The following GLB1L3 variants were observed in gnomAD, a reference collection of about 807,000 sequenced individuals.
GLB1L3 encodes the protein beta-galactosidase-1-like protein 3.
A neutral mutation model predicts 89.5 loss-of-function variants in GLB1L3; 89 were observed. The observed-to-expected ratio is 0.99, with a 90% confidence interval of 0.84 to 1.19. GLB1L3 has a LOEUF of 1.19. Ranked by LOEUF, GLB1L3 falls within the 50% of genes most tolerant of loss-of-function variation. The pLI, the probability that GLB1L3 is intolerant of heterozygous loss-of-function variation, is 0.00. For missense variants in GLB1L3, 812 were observed against 813.3 expected (o/e 1.00, Z 0.02); for synonymous variants, 314 against 312.3 (o/e 1.01, Z -0.06).
chr11:134,278,108 G>A (rs1018464526), intron 3 of GLB1L3, among the ~76,000 whole-genome samples, 196 bp downstream of exon 3: 2 of 152,100 alleles, frequency 1.3e-5, no homozygotes, highest in Non-Finnish European at 2.9e-5. Context: ...TCAAAGACTT[G>A]GATAGGGGTT....
intron 10 of GLB1L3, among the ~76,000 whole-genome samples, chr11:134,307,918 T>C (rs897069096): frequency 6.6e-6 from 1 of 152,124 alleles, no homozygotes; most frequent in Non-Finnish European, 1.5e-5. Context: ...AGAAGATATT[T>C]CGAAAGAGCT....
intron 9 of GLB1L3, chr11:134,305,352 T>A: frequency 2.1e-6 from 1 of 484,152 alleles, no homozygotes; most frequent in East Asian, 3.2e-5. Context: ...GTGCTGTTAG[T>A]CTTTCCTAAA....
chr11:134,314,171 GC>G (rs1302033290), intron 17 of GLB1L3, 143 bp downstream of exon 17: 1 of 737,748 alleles, frequency 1.4e-6, no homozygotes, highest in South Asian at 1.7e-5. Flanking sequence ...CAGAACTAGG[GC>G]CCTGGAACAA....
intron 6 of GLB1L3, among the ~76,000 whole-genome samples, chr11:134,284,067 C>T (rs1170538479): frequency 6.6e-6 from 1 of 152,182 alleles, no homozygotes; most frequent in Non-Finnish European, 1.5e-5. Flanking sequence ...AGACTCATCA[C>T]ACAAGGCAGG....
At chr11:134,299,858 C>T (rs1215632313) in intron 9 of GLB1L3, among the ~76,000 whole-genome samples, 1 of 152,130 alleles carries the variant, frequency 6.6e-6, no homozygotes, top group Non-Finnish European at 1.5e-5. Context: ...GCATGTGTTC[C>T]TCCTTTCCCA....
At chr11:134,313,644 G>C (rs1351605561) in intron 16 of GLB1L3, among the ~76,000 whole-genome samples, 170 bp downstream of exon 16, 1 of 152,192 alleles carries the variant, frequency 6.6e-6, no homozygotes, top group Non-Finnish European at 1.5e-5. Flanking sequence ...TGCCTTCTCT[G>C]ATCTCCAGGG....
Position 134,319,063 on chromosome 11 carries a change from T to C in GLB1L3, c.*121T>C. The stretch of plus-strand genomic sequence containing the variant: ...TCAGCCTCTCGGGTTCACGCCATTC[T>C]CCTGCCTCAGCCTCCCCAGCAGCTG... On this transcript the variant is annotated 3_prime_UTR_variant, in exon 20 of 20. Transcript: ENST00000431683. 2.8e-6 allele frequency: 2 copies of C among 705,210 alleles called. No individual in the cohort carries two copies. The highest frequency in any genetic ancestry group is 4.9e-6 in the Non-Finnish European group (2 of 409,654). The allele number at this position is 705,210 out of a possible 1,614,324, so 43.7% of individuals were successfully genotyped here. A position where few individuals can be genotyped will look rare whatever the true frequency, so the allele number is the denominator to read the frequency against.
At chr11:134,281,990 G>A (rs377112502) in intron 4 of GLB1L3, 35 bp from the exon 5 acceptor site, 241 of 1,488,976 alleles carry the variant, frequency 1.6e-4, no homozygotes, top group Middle Eastern at 4.8e-4. Context: ...ATCCTGGGCC[G>A]TCGTGGGAGG....
intron 9 of GLB1L3, chr11:134,305,035 G>A: frequency 6.7e-7 from 1 of 1,497,566 alleles, no homozygotes; most frequent in Non-Finnish European, 9.0e-7. Flanking sequence ...TAATAACAAT[G>A]TATCTTAGTG....
chr11:134,284,132 C>G (rs1262179001), intron 6 of GLB1L3, among the ~76,000 whole-genome samples: 1 of 152,202 alleles, frequency 6.6e-6, no homozygotes, highest in African/African-American at 2.4e-5. Context: ...CTTCCCATTG[C>G]TTCTTTCCAC....
intron 9 of GLB1L3, among the ~76,000 whole-genome samples, chr11:134,300,654 CA>C (rs1270333386): frequency 1.3e-5 from 2 of 152,102 alleles, no homozygotes; most frequent in Non-Finnish European, 2.9e-5. Flanking sequence ...ACATTTTAAT[CA>C]AGGCGCCTAC....
Position 134,309,610 on chromosome 11 carries a change from A to T in GLB1L3, c.962-16A>T. ...AATTTCTAACATTCTCTGTGTTCTC[A>T]TGTTCCCCTTTGCAGAGGTTGAACA... On this transcript the variant is annotated splice_polypyrimidine_tract_variant and intron_variant, in intron 10 of 19. Coordinates refer to ENST00000431683, the MANE Select transcript of GLB1L3 (RefSeq NM_001080407.3). 1 of 1,570,762 alleles carries T rather than the reference A, an allele frequency of 6.4e-7. No homozygotes were observed. Among genetic ancestry groups the T allele is most frequent in the Non-Finnish European group, 8.7e-7 (1 of 1,152,572 alleles).
chr11:134,303,435 T>G (rs1331116130), intron 9 of GLB1L3, among the ~76,000 whole-genome samples: 1 of 152,232 alleles, frequency 6.6e-6, no homozygotes. Context: ...CTTGGCTTCT[T>G]TTTATGGATT....
Position 134,277,212 on chromosome 11 carries a change from C to A in GLB1L3, c.24-114C>A, listed in dbSNP as rs774297833. 2.2e-6 allele frequency: 3 copies of A among 1,360,974 alleles called. No homozygotes were observed. The African/African-American group carries it at 4.3e-5, about 19-fold the overall frequency. 84.3% of individuals were successfully genotyped at this position (1,360,974 alleles called of 1,614,324 possible). On this transcript the variant is annotated intron_variant, in intron 1 of 19. Coordinates refer to ENST00000431683, the MANE Select transcript of GLB1L3 (RefSeq NM_001080407.3). ...CCGCCTGGAAGACCCGCCTGTGTCG[C>A]GGGCCCCCTCCCTGGCTCTGGCCTC...
intron 10 of GLB1L3, among the ~76,000 whole-genome samples, chr11:134,308,244 T>C (rs374310649): frequency 0.042 from 813 of 19,460 alleles, 68 homozygotes; most frequent in East Asian, 0.092. Context: ...ACCATCACCA[T>C]CACCACCATC....
chr11:134,278,851 G>T (rs955712466), intron 3 of GLB1L3, among the ~76,000 whole-genome samples: 1 of 152,178 alleles, frequency 6.6e-6, no homozygotes, highest in Admixed American at 6.5e-5. Flanking sequence ...GCATGTATTG[G>T]GGGGACAATA....
intron 9 of GLB1L3, among the ~76,000 whole-genome samples, chr11:134,305,518 T>C (rs570950028): frequency 4.6e-5 from 7 of 152,302 alleles, no homozygotes; most frequent in African/African-American, 1.7e-4. Flanking sequence ...TCAGTCCTTA[T>C]TTTGATTTGG....
At position 134,277,434 on chromosome 11, in the gene GLB1L3, G is replaced by A. The variant is rs759102239; in HGVS notation, c.132G>A (p.Ala44=). Residue 44 remains alanine (A), a synonymous_variant, in exon 2 of 20, where the codon GCG becomes GCA. Coordinates refer to ENST00000431683, the MANE Select transcript of GLB1L3 (RefSeq NM_001080407.3). ...AAGAGAACTTCATGCTTGGAAGAGCGCATCCGTCCCAGCCTAGGTTTGCTT... is the reference window on the plus strand; with the variant it reads ...AAGAGAACTTCATGCTTGGAAGAGCACATCCGTCCCAGCCTAGGTTTGCTT... ...KQEENFMLGR[A]HPSQPRFNWS... 1.9e-6 allele frequency: 3 copies of A among 1,613,174 alleles called. No homozygotes were observed. The highest frequency in any genetic ancestry group is 4.5e-5 in the East Asian group (2 of 44,864).
chr11:134,295,977 C>T (rs997107636), intron 9 of GLB1L3, among the ~76,000 whole-genome samples: 1 of 152,082 alleles, frequency 6.6e-6, no homozygotes, highest in African/African-American at 2.4e-5. Flanking sequence ...CAAGAACATA[C>T]TTGTATAATT....
Sources: allele counts gnomAD v4.1 joint callset (sites outside exome capture counted in the v4.1 genomes callset), GRCh38; gene constraint gnomAD v4.1.1; transcripts MANE v1.5; gene names NCBI Gene and HGNC (gene_info 2026-07-23, HGNC 2026-07-21).